LRMDA: variants seen among roughly 807,000 people sequenced by gnomAD.
LRMDA encodes the protein leucine-rich melanocyte differentiation-associated protein.
A neutral mutation model predicts 29.8 loss-of-function variants in LRMDA; 18 were observed. The ratio of observed to expected loss-of-function variants is 0.60; its 90% CI spans 0.42 to 0.90. The LOEUF (loss-of-function observed/expected upper bound fraction) is 0.90, where lower values mean the gene tolerates loss of function less well. Ranked by LOEUF, LRMDA falls within the 40% of genes least tolerant of loss-of-function variation. The pLI is 0.00. For synonymous variants in LRMDA, 125 were observed against 109.4 expected (o/e 1.14, Z -0.89); for missense variants, 273 against 273.9 (o/e 1.00, Z 0.02).
At chr10:76,089,295 T>C (rs1383766748) in intron 5 of LRMDA, among the ~76,000 whole-genome samples, 3 of 152,214 alleles carry the variant, frequency 2.0e-5, no homozygotes, top group Non-Finnish European at 4.4e-5. Context: ...AAAGCCTGCA[T>C]CCTTTCCACT....
At chr10:75,703,977 G>C (rs965802423) in intron 2 of LRMDA, among the ~76,000 whole-genome samples, 1 of 152,170 alleles carries the variant, frequency 6.6e-6, no homozygotes, top group Admixed American at 6.5e-5. Flanking sequence ...GCCAAGTTCT[G>C]GTTCTATAAA....
rs559276225 is a variant in LRMDA at position 75,926,963 on chromosome 10, C to T, written c.132-109045C>T. 3.3e-5 allele frequency among the ~76,000 whole-genome samples: 5 copies of T among 152,266 alleles called. No homozygotes were observed. In the East Asian group the frequency reaches 7.7e-4, roughly 24 times the overall value. ...ACTTCAGTGTGTCTTTAGGAAGCCT[C>T]CCCTAGTGCTCCACGCTGCCCTCTG... On this transcript the variant is annotated intron_variant, in intron 2 of 6. Transcript: ENST00000611255.
chr10:75,900,574 T>C (rs1364048933), intron 2 of LRMDA, among the ~76,000 whole-genome samples: 2 of 152,166 alleles, frequency 1.3e-5, no homozygotes, highest in Non-Finnish European at 2.9e-5. Context: ...AGAGATTGAT[T>C]TGGGCCACTT....
intron 2 of LRMDA, among the ~76,000 whole-genome samples, chr10:75,901,627 T>C (rs1264320493): frequency 6.6e-6 from 1 of 152,212 alleles, no homozygotes; most frequent in Non-Finnish European, 1.5e-5. Context: ...GATTACATCT[T>C]GCACCAAGCT....
intron 5 of LRMDA, among the ~76,000 whole-genome samples, chr10:76,088,224 C>T (rs1444765951): frequency 6.6e-6 from 1 of 152,166 alleles, no homozygotes; most frequent in African/African-American, 2.4e-5. Flanking sequence ...CTAGCCGAGG[C>T]TGGGTGACAG....
chr10:76,411,012 T>C (rs1255086092), intron 6 of LRMDA, among the ~76,000 whole-genome samples: 2 of 151,926 alleles, frequency 1.3e-5, no homozygotes, highest in East Asian at 1.9e-4. Flanking sequence ...AGGGAGACCA[T>C]AGAGGGGGTT....
At chr10:76,440,727 A>T (rs922941029) in intron 6 of LRMDA, among the ~76,000 whole-genome samples, 5 of 152,152 alleles carry the variant, frequency 3.3e-5, no homozygotes, top group African/African-American at 1.2e-4. Context: ...GTAAAGATGG[A>T]TATTAGACTG....
intron 6 of LRMDA, among the ~76,000 whole-genome samples, chr10:76,476,985 G>T (rs572240230): frequency 2.1e-4 from 32 of 152,000 alleles, no homozygotes; most frequent in Non-Finnish European, 3.5e-4. Flanking sequence ...CTTTGAAAAT[G>T]GGCACAAGAC....
chr10:75,917,084 T>C (rs1323927945), intron 2 of LRMDA, among the ~76,000 whole-genome samples: 1 of 152,212 alleles, frequency 6.6e-6, no homozygotes, highest in Non-Finnish European at 1.5e-5. Context: ...GTTTGCTGTG[T>C]AGAGGCAGTG....
intron 2 of LRMDA, among the ~76,000 whole-genome samples, chr10:75,554,823 C>T (rs1840194297): frequency 6.6e-6 from 1 of 152,162 alleles, no homozygotes; most frequent in Non-Finnish European, 1.5e-5. Context: ...GATGATAATA[C>T]TTTCGTTAAA....
intron 5 of LRMDA, among the ~76,000 whole-genome samples, chr10:76,087,420 A>G (rs1186537870): frequency 1.3e-5 from 2 of 152,176 alleles, no homozygotes; most frequent in Non-Finnish European, 2.9e-5. Context: ...TGTGTTCTCT[A>G]TAACTTCTGC....
intron 2 of LRMDA, among the ~76,000 whole-genome samples, chr10:75,745,300 A>C (rs1226553159): frequency 2.0e-5 from 3 of 151,748 alleles, no homozygotes; most frequent in Non-Finnish European, 4.4e-5. Flanking sequence ...GTATAATATA[A>C]ATTGGGGCAA....
At chr10:75,917,945 A>T (rs1845961616) in intron 2 of LRMDA, among the ~76,000 whole-genome samples, 1 of 142,116 alleles carries the variant, frequency 7.0e-6, no homozygotes, top group South Asian at 2.5e-4. Context: ...ATGCACACCC[A>T]CACATGCACA....
intron 6 of LRMDA, among the ~76,000 whole-genome samples, chr10:76,378,079 T>A (rs946513110): frequency 6.6e-6 from 1 of 152,170 alleles, no homozygotes; most frequent in Non-Finnish European, 1.5e-5. Context: ...GTTTTGTAGT[T>A]CTTTTTGTTA....
chr10:75,658,002 G>A (rs1406160686), intron 2 of LRMDA, among the ~76,000 whole-genome samples: 6 of 151,976 alleles, frequency 3.9e-5, no homozygotes, highest in African/African-American at 9.7e-5. Flanking sequence ...TGCTGGATGC[G>A]GGCATTTCCT....
intron 5 of LRMDA, among the ~76,000 whole-genome samples, chr10:76,103,922 G>A (rs553043356): frequency 1.8e-4 from 27 of 152,108 alleles, no homozygotes; most frequent in Admixed American, 3.9e-4. Flanking sequence ...GGTGGTGGGC[G>A]CCTGGAATCC....
rs1843579426 is a variant in LRMDA, at chr10:76,558,047, C to T, written c.*759C>T. On this transcript the variant is annotated 3_prime_UTR_variant, in exon 7 of 7. Coordinates refer to ENST00000611255, the MANE Select transcript of LRMDA (RefSeq NM_001305581.2). ...ATCTTGTTTCATTCAACTCTAAATC[C>T]ACTTCTTGCCCTGAATATGATGCAG... The T allele has an allele frequency of 1.3e-5, 2 of 152,182 alleles. No homozygotes were observed. Among genetic ancestry groups the T allele is most frequent in the South Asian group, 4.1e-4 (2 of 4,828 alleles). The allele number at this position is 152,182 out of a possible 1,614,324, so 9.4% of individuals were successfully genotyped here.
At chr10:75,731,145 A>T (rs758582730) in intron 2 of LRMDA, among the ~76,000 whole-genome samples, 1 of 152,238 alleles carries the variant, frequency 6.6e-6, no homozygotes, top group Admixed American at 6.5e-5. Context: ...TGGTAACCCA[A>T]TTCAGAGCTA....
chr10:75,904,467 C>T (rs901971787), intron 2 of LRMDA, among the ~76,000 whole-genome samples: 1 of 151,980 alleles, frequency 6.6e-6, no homozygotes, highest in Non-Finnish European at 1.5e-5. Flanking sequence ...TCTGCTGTAC[C>T]AGGGGCTCCA....
Sources: gnomAD v4.1 joint callset for allele counts (sites outside exome capture counted in the v4.1 genomes callset) on GRCh38, gnomAD v4.1.1 for gene constraint, MANE v1.5 for transcripts, NCBI Gene and HGNC (gene_info 2026-07-23, HGNC 2026-07-21) for gene names.